Variants in SLC13A1 observed in about 807,000 individuals in gnomAD.
The protein encoded by SLC13A1 is solute carrier family 13 member 1.
In SLC13A1, 65 loss-of-function variants were observed where a neutral mutation model predicts 70.0. The ratio of observed to expected loss-of-function variants is 0.93; its 90% CI spans 0.76 to 1.14. SLC13A1 has a LOEUF of 1.14. Ranked by LOEUF, SLC13A1 falls within the 50% of genes most tolerant of loss-of-function variation. The probability of loss-of-function intolerance (pLI) is 0.00; values close to 1 mark genes in which losing one functional copy is unlikely to be tolerated. For missense variants in SLC13A1, 726 were observed against 717.8 expected, an observed-to-expected ratio of 1.01 and a Z score of -0.13; for synonymous variants, 275 against 250.5, an observed-to-expected ratio of 1.10 and a Z score of -0.92.
rs1160043648 is a variant in SLC13A1 at position 123,119,155 on chromosome 7, T to C, written c.1438A>G (p.Met480Val). Residue 480 changes from methionine (M) to valine (V), a missense_variant, in exon 13 of 15, where the codon ATG (methionine) becomes GTG (valine). Physicochemically the swap from Met to Val is conservative, Grantham distance 21. Coordinates refer to ENST00000194130, the MANE Select transcript of SLC13A1 (RefSeq NM_022444.4). ...AWLIILISSLMVTSLTEVASN... is the reference protein window; with the variant it reads ...AWLIILISSLVVTSLTEVASN... ...GCTACCTCAGTTAAAGATGTCACCA[T>C]CAAAGAAGATATCAGAATTATTAGC... 1 of 1,612,734 alleles carries C rather than the reference T, an allele frequency of 6.2e-7. No individual in the cohort carries two copies. The highest frequency in any genetic ancestry group is 8.5e-7 in the Non-Finnish European group (1 of 1,179,098).
chr7:123,138,125 A>C (rs1794013305), intron 7 of SLC13A1, among the ~76,000 whole-genome samples: 1 of 152,062 alleles, frequency 6.6e-6, no homozygotes, highest in South Asian at 2.1e-4. Flanking sequence ...CCATTAGTTC[A>C]TTTGTTTTAA....
Position 123,115,577 on chromosome 7 carries a change from A to T in SLC13A1, c.1729T>A (p.Phe577Ile). Reference protein sequence around the residue: ...LGICTWIVPMFDLYTYPSWAP... With the variant: ...LGICTWIVPMIDLYTYPSWAP... ...CACGAAGGGTAAGTGTAGAGGTCAA[A>T]CATGGGTACAATCCAAGTACATATG... Residue 577 changes from phenylalanine to isoleucine, a missense_variant, in exon 15 of 15, where the codon TTT (phenylalanine) becomes ATT (isoleucine). Transcript: ENST00000194130. 1.2e-6 allele frequency: 2 copies of T among 1,613,932 alleles called. No individual in the cohort carries two copies. Among genetic ancestry groups the T allele is most frequent in the South Asian group, 1.1e-5 (1 of 91,072 alleles).
intron 1 of SLC13A1, among the ~76,000 whole-genome samples, chr7:123,196,768 T>C (rs1319336158): frequency 6.6e-6 from 1 of 152,106 alleles, no homozygotes; most frequent in Non-Finnish European, 1.5e-5. Flanking sequence ...GTCTAAAGCA[T>C]TTTCATGAAC....
chr7:123,120,188 C>T (rs146459772), intron 12 of SLC13A1, among the ~76,000 whole-genome samples: 154 of 152,140 alleles, frequency 1.0e-3, no homozygotes, highest in African/African-American at 3.6e-3. Flanking sequence ...TTATGACGTT[C>T]CTTCTCCTCC....
At position 123,113,630 on chromosome 7, in the gene SLC13A1, A is replaced by T. The variant is rs944752109; in HGVS notation, c.*1888T>A. 6.6e-6 allele frequency: 1 copy of T among 152,196 alleles called. No homozygotes were observed. Among genetic ancestry groups the T allele is most frequent in the African/African-American group, 2.4e-5 (1 of 41,458 alleles). The allele number at this position is 152,196 out of a possible 1,614,324, so 9.4% of individuals were successfully genotyped here. On this transcript the variant is annotated 3_prime_UTR_variant, in exon 15 of 15. Transcript: ENST00000194130. ...AATTGAATGACTAGAAAAAAGCAGA[A>T]ATGTAATAAATACTACAGATTATAA...
chr7:123,193,521 C>T (rs1796069788), intron 1 of SLC13A1, among the ~76,000 whole-genome samples: 1 of 152,164 alleles, frequency 6.6e-6, no homozygotes, highest in Admixed American at 6.5e-5. Flanking sequence ...GGCATCACCT[C>T]AACCTGTGCT....
At chr7:123,186,780 A>C (rs2116644251) in intron 1 of SLC13A1, 1 of 455,542 alleles carries the variant, frequency 2.2e-6, no homozygotes, top group South Asian at 1.6e-5. Context: ...CGTTTTAATC[A>C]CATTTTGTTC....
intron 8 of SLC13A1, among the ~76,000 whole-genome samples, chr7:123,131,122 A>G (rs1793743448): frequency 6.6e-6 from 1 of 152,250 alleles, no homozygotes; most frequent in Non-Finnish European, 1.5e-5. Flanking sequence ...CTATACATTC[A>G]TAATCACCTT....
chr7:123,129,368 GTGTGTT>G lies in SLC13A1; in HGVS notation c.1031+9_1031+14del. ...TGTGTGTGTGTGTGTGTGTGTGTGTGTGTGTTTGTCTTACCTTATTGGCCCAAGCTT... is the reference window on the plus strand; with the variant it reads ...TGTGTGTGTGTGTGTGTGTGTGTGTGTGTCTTACCTTATTGGCCCAAGCTT... On this transcript the variant is annotated intron_variant, in intron 9 of 14. Transcript: ENST00000194130. The G allele has an allele frequency of 1.1e-6, 1 of 947,268 alleles. No individual in the cohort carries two copies. The highest frequency in any genetic ancestry group is 1.6e-6 in the Non-Finnish European group (1 of 639,186). 58.7% of individuals were successfully genotyped at this position (947,268 alleles called of 1,614,324 possible). A position where few individuals can be genotyped will look rare whatever the true frequency, so the allele number is the denominator to read the frequency against.
At chr7:123,141,347 A>G (rs1488286577) in intron 7 of SLC13A1, among the ~76,000 whole-genome samples, 2 of 152,112 alleles carry the variant, frequency 1.3e-5, no homozygotes, top group Admixed American at 1.3e-4. Context: ...TATCCTTGAG[A>G]ATGGTCCATG....
At chr7:123,141,540 C>A (rs544854292) in intron 7 of SLC13A1, among the ~76,000 whole-genome samples, 25 of 151,750 alleles carry the variant, frequency 1.6e-4, no homozygotes, top group African/African-American at 6.0e-4. Context: ...GTATTGAGGT[C>A]TCTTTCTCTC....
intron 2 of SLC13A1, among the ~76,000 whole-genome samples, chr7:123,175,883 G>A (rs1795431294): frequency 6.6e-6 from 1 of 152,162 alleles, no homozygotes; most frequent in Non-Finnish European, 1.5e-5. Flanking sequence ...AGGACTATGA[G>A]ACATTCTTGC....
chr7:123,128,628 C>A, intron 10 of SLC13A1, among the ~76,000 whole-genome samples: 1 of 152,128 alleles, frequency 6.6e-6, no homozygotes, highest in East Asian at 1.9e-4. Context: ...CTTTGCCTTT[C>A]AGTAACAGAG....
At chr7:123,184,817 A>T (rs886087897) in intron 1 of SLC13A1, among the ~76,000 whole-genome samples, 1 of 151,922 alleles carries the variant, frequency 6.6e-6, no homozygotes, top group Non-Finnish European at 1.5e-5. Context: ...TACTGATTTC[A>T]TTTCCTTTGG....
Position 123,126,754 on chromosome 7 carries a change from C to T in SLC13A1, c.1134-1079G>A, listed in dbSNP as rs541486756. ...CCATAATTTATCTTACAAACTGGAC[C>T]GATATTTATAATTTTATTATACCTT... On this transcript the variant is annotated intron_variant, in intron 10 of 14. Coordinates refer to ENST00000194130, the MANE Select transcript of SLC13A1 (RefSeq NM_022444.4). Among the ~76,000 whole-genome samples, 106 of 151,884 alleles carry T rather than the reference C, an allele frequency of 7.0e-4. 1 individual carries two copies. Among genetic ancestry groups the T allele is most frequent in the South Asian group, 3.7e-3 (18 of 4,804 alleles).
intron 10 of SLC13A1, among the ~76,000 whole-genome samples, chr7:123,126,705 A>C (rs1189981906): frequency 6.6e-6 from 1 of 152,100 alleles, no homozygotes; most frequent in Non-Finnish European, 1.5e-5. Flanking sequence ...ATTTTCTTTC[A>C]TTACTAGTTA....
intron 4 of SLC13A1, 74 bp downstream of exon 4, chr7:123,169,074 A>G (rs771745376): frequency 8.7e-6 from 12 of 1,379,174 alleles, no homozygotes; most frequent in Non-Finnish European, 1.2e-5. Flanking sequence ...TTCAAAATAC[A>G]ACTTAGAATT....
intron 1 of SLC13A1, among the ~76,000 whole-genome samples, chr7:123,191,871 C>T (rs1249275891): frequency 6.6e-6 from 1 of 152,204 alleles, no homozygotes; most frequent in Non-Finnish European, 1.5e-5. Context: ...CTGTTCCCAA[C>T]ATTTAAAGCA....
intron 7 of SLC13A1, among the ~76,000 whole-genome samples, chr7:123,138,586 T>G (rs1417714038): frequency 6.6e-6 from 1 of 152,178 alleles, no homozygotes; most frequent in East Asian, 1.9e-4. Flanking sequence ...CATTTGTTAT[T>G]GCCTGTCTTT....
Sources: allele counts gnomAD v4.1 joint callset (sites outside exome capture counted in the v4.1 genomes callset), GRCh38; gene constraint gnomAD v4.1.1; transcripts MANE v1.5; gene names NCBI Gene and HGNC (gene_info 2026-07-23, HGNC 2026-07-21).